Variants in EVC2 observed in about 807,000 individuals in gnomAD.
EVC2 encodes limbin.
A neutral mutation model predicts 149.3 loss-of-function variants in EVC2; 148 were observed. That is an observed-to-expected ratio of 0.99 (90% CI 0.87 to 1.14). EVC2 has a LOEUF of 1.14. Among genes scored for constraint, EVC2 ranks in the 50% most tolerant of loss-of-function variants. The pLI is 0.00. For missense variants in EVC2, 1,854 were observed against 1,627.3 expected (o/e 1.14, Z -2.40); for synonymous variants, 776 against 649.9 (o/e 1.19, Z -2.95).
chr4:5,698,237 C>G (rs1348173318), intron 1 of EVC2, among the ~76,000 whole-genome samples: 1 of 152,094 alleles, frequency 6.6e-6, no homozygotes, highest in Admixed American at 6.6e-5. Context: ...TCAGACAGAC[C>G]TGGGTTCAAA....
At chr4:5,579,493 T>C (rs1711565798) in intron 17 of EVC2, among the ~76,000 whole-genome samples, 1 of 152,068 alleles carries the variant, frequency 6.6e-6, no homozygotes, top group Non-Finnish European at 1.5e-5. Context: ...AAAGCTCAGG[T>C]AGAATCAACA....
At position 5,626,001 on chromosome 4, in the gene EVC2, T is replaced by C. The variant is rs796193897; in HGVS notation, c.1887-93A>G. The C allele has an allele frequency of 1.3e-5, 19 of 1,511,506 alleles. No homozygotes were observed. The African/African-American group carries it at 2.3e-4, about 19-fold the overall frequency. 93.6% of individuals were successfully genotyped at this position (1,511,506 alleles called of 1,614,324 possible). A position where few individuals can be genotyped will look rare whatever the true frequency, so the allele number is the denominator to read the frequency against. ...GCCTGAACATTCATCTCCATATTAGTTTGGTTTGAATCAGAAAATCTTTAC... is the reference window on the plus strand; with the variant it reads ...GCCTGAACATTCATCTCCATATTAGCTTGGTTTGAATCAGAAAATCTTTAC... On this transcript the variant is annotated intron_variant, in intron 12 of 21. Coordinates refer to ENST00000344408, the MANE Select transcript of EVC2 (RefSeq NM_147127.5).
In EVC2 at chr4:5,588,668, A is replaced by ATG. The variant is rs746566429; in HGVS notation, c.2830-3820_2830-3819dup. The stretch of plus-strand genomic sequence containing the variant: ...GCTGTTAATTCTCACACACATGTGT[A>ATG]TGTGTGTGTGTGTATATTCAAATCA... On this transcript the variant is annotated intron_variant, in intron 16 of 21. Coordinates refer to ENST00000344408, the MANE Select transcript of EVC2 (RefSeq NM_147127.5). 7.9e-5 allele frequency among the ~76,000 whole-genome samples: 12 copies of ATG among 151,954 alleles called. No individual in the cohort carries two copies. The South Asian group carries it at 8.3e-4, about 11-fold the overall frequency.
At chr4:5,702,186 G>A (rs1054465517) in intron 1 of EVC2, among the ~76,000 whole-genome samples, 1 of 152,110 alleles carries the variant, frequency 6.6e-6, no homozygotes, top group African/African-American at 2.4e-5. Context: ...GATCCGCTCA[G>A]CTGTCACCTC....
intron 2 of EVC2, among the ~76,000 whole-genome samples, chr4:5,697,242 G>A (rs903729192): frequency 1.3e-5 from 2 of 152,220 alleles, no homozygotes; most frequent in East Asian, 1.9e-4. Flanking sequence ...TACTGTAAGA[G>A]AATAAACGTG....
intron 5 of EVC2, among the ~76,000 whole-genome samples, chr4:5,688,729 G>A (rs543419500): frequency 3.8e-4 from 58 of 152,176 alleles, no homozygotes; most frequent in South Asian, 1.7e-3. Flanking sequence ...CTACTGAGAC[G>A]GATGTCAACC....
chr4:5,623,121 T>C, intron 13 of EVC2, 130 bp from the exon 14 acceptor site: 1 of 923,774 alleles, frequency 1.1e-6, no homozygotes, highest in Non-Finnish European at 1.6e-6. Context: ...ATTTGGAAGT[T>C]ATTCTGGTTT....
At chr4:5,702,328 C>T (rs1721876746) in intron 1 of EVC2, among the ~76,000 whole-genome samples, 1 of 152,202 alleles carries the variant, frequency 6.6e-6, no homozygotes, top group African/African-American at 2.4e-5. Context: ...ATGATTCCTG[C>T]CTTTTTCCTG....
chr4:5,689,210 A>C lies in EVC2; in HGVS notation c.653T>G (p.Val218Gly), dbSNP rs758420403. 23 of 1,614,210 alleles carry C rather than the reference A, an allele frequency of 1.4e-5. No individual in the cohort carries two copies. The highest frequency in any genetic ancestry group is 1.9e-5 in the Non-Finnish European group (22 of 1,180,036). ...SIAGLTIWDS[V>G]GNRTSEGFQA... ...GAATCCTTCCGAGGTCCTGTTTCCC[A>C]CAGAGTCCCAAATGGTGAGACCAGC... The change falls in exon 5 of 22, where the codon GTG (valine) becomes GGG (glycine). Residue 218 changes from valine (V) to glycine (G), a missense_variant. Physicochemically the swap from Val to Gly is moderately radical, Grantham distance 109. Coordinates refer to ENST00000344408, the MANE Select transcript of EVC2 (RefSeq NM_147127.5).
chr4:5,675,029 C>T (rs976603111), intron 7 of EVC2, among the ~76,000 whole-genome samples: 2 of 152,298 alleles, frequency 1.3e-5, no homozygotes, highest in Admixed American at 1.3e-4. Context: ...CAGAGTGACA[C>T]GGGCCGCCAC....
At chr4:5,638,400 A>AAC (rs1560185399) in intron 10 of EVC2, among the ~76,000 whole-genome samples, 1 of 151,738 alleles carries the variant, frequency 6.6e-6, no homozygotes, top group Non-Finnish European at 1.5e-5. Context: ...AAAAACAAAA[A>AAC]AAAAAAAATT....
chr4:5,538,964 A>G (rs1006114828), downstream of EVC2, among the ~76,000 whole-genome samples: 1 of 152,188 alleles, frequency 6.6e-6, no homozygotes, highest in African/African-American at 2.4e-5. Flanking sequence ...GTAAGGCAAG[A>G]AAAAGAAATA....
chr4:5,635,523 G>C (rs1175339368), intron 10 of EVC2, among the ~76,000 whole-genome samples: 1 of 152,172 alleles, frequency 6.6e-6, no homozygotes, highest in Non-Finnish European at 1.5e-5. Flanking sequence ...GGATACAGAA[G>C]TTCCAGTGTG....
intron 5 of EVC2, among the ~76,000 whole-genome samples, chr4:5,687,348 C>T (rs1384546862): frequency 2.6e-5 from 4 of 152,206 alleles, no homozygotes; most frequent in Admixed American, 6.5e-5. Context: ...AGCCGGGCTG[C>T]GTCATACTGC....
At position 5,574,787 on chromosome 4, in the gene EVC2, A is replaced by G. The variant is rs1722820197; in HGVS notation, c.3273-15T>C. The G allele has an allele frequency of 6.2e-7, 1 of 1,612,910 alleles. No individual in the cohort carries two copies. The highest frequency in any genetic ancestry group is 1.3e-5 in the African/African-American group (1 of 74,916). On this transcript the variant is annotated splice_polypyrimidine_tract_variant and intron_variant, in intron 18 of 21. Transcript: ENST00000344408. ...CCTCTCTCAAACTGGAGTGAAAATA[A>G]AATATACGTAAGTTCAGTTTTGTTA... is the stretch of plus-strand genomic sequence containing the variant.
At chr4:5,689,640 G>T (rs1720974518) in intron 4 of EVC2, among the ~76,000 whole-genome samples, 1 of 152,252 alleles carries the variant, frequency 6.6e-6, no homozygotes. Flanking sequence ...TGCAGAACCA[G>T]TCAGGTTGGG....
In EVC2 at chr4:5,662,567, AATAT is replaced by A. The variant is rs1018457937; in HGVS notation, c.1145+536_1145+539del. 5.8e-5 allele frequency among the ~76,000 whole-genome samples: 8 copies of A among 137,296 alleles called. No homozygotes were observed. In the South Asian group the frequency reaches 1.7e-3, roughly 30 times the overall value. 90.1% of individuals were successfully genotyped at this position (137,296 alleles called of 152,430 possible). ...TATTAATATTAAATATATTAAATAT[AATAT>A]ATATTTATATTAATCATATTTATTT... On this transcript the variant is annotated intron_variant, in intron 9 of 21. Transcript: ENST00000344408.
chr4:5,628,257 C>A (rs367613334), intron 12 of EVC2, among the ~76,000 whole-genome samples: 2 of 151,794 alleles, frequency 1.3e-5, no homozygotes, highest in Non-Finnish European at 2.9e-5. Flanking sequence ...GGGACCTTTA[C>A]GAGATGATTA....
chr4:5,625,821 A>G lies in EVC2; in HGVS notation c.1974T>C (p.Asn658=), dbSNP rs146401544. Residue 658 remains asparagine (N), a synonymous_variant, in exon 13 of 22, where the codon AAT becomes AAC. Coordinates refer to ENST00000344408, the MANE Select transcript of EVC2 (RefSeq NM_147127.5). This position sits in a 1 kb window ranked among gnomAD's most constrained non-coding sequence, Gnocchi z 4.0. ...GCTTTTTCTTTTCCTGCTTTAAGTC[A>G]TTGTCCAACTTCTGCTTGATTGAAA... ...EVFSIKQKLD[N]DLKQEKKKLH... 8.4e-5 allele frequency: 136 copies of G among 1,613,800 alleles called. No homozygotes were observed. Among genetic ancestry groups the G allele is most frequent in the Non-Finnish European group, 1.1e-4 (128 of 1,180,018 alleles).
Sources: gnomAD v4.1 joint callset for allele counts (sites outside exome capture counted in the v4.1 genomes callset) on GRCh38, gnomAD v4.1.1 for gene constraint, Gnocchi (gnomAD v3.1) non-coding constraint, MANE v1.5 for transcripts, NCBI Gene and HGNC (gene_info 2026-07-23, HGNC 2026-07-21) for gene names.